PYGM: variants seen among roughly 807,000 people sequenced by gnomAD.
The protein encoded by PYGM is glycogen phosphorylase, muscle associated, also known as glycogen phosphorylase, muscle form.
Under a neutral mutation model 99.3 loss-of-function variants are expected in PYGM, and 81 were observed. The ratio of observed to expected loss-of-function variants is 0.82; its 90% CI spans 0.68 to 0.98. PYGM has a LOEUF of 0.98. Among genes scored for constraint, PYGM ranks in the 50% least tolerant of loss-of-function variants. The pLI, the probability that PYGM is intolerant of heterozygous loss-of-function variation, is 0.00. For missense variants in PYGM, 1,030 were observed against 1,158.1 expected (o/e 0.89, Z 1.61); for synonymous variants, 436 against 451.5 (o/e 0.97, Z 0.44).
chr11:64,755,273 A>T lies in PYGM; in HGVS notation c.855T>A (p.Asn285Lys), dbSNP rs776369912. ...NISRVLYPND[N>K]FFEGKELRLK... Reference sequence around the variant, plus strand: ...GCCCCCAGCCCAGGGGGTGACGCACATTATCATTGGGGTACAGGACACGAG... The same window carrying T: ...GCCCCCAGCCCAGGGGGTGACGCACTTTATCATTGGGGTACAGGACACGAG... The change falls in exon 7 of 20, where the codon AAT becomes AAA. Residue 285 changes from asparagine (N) to lysine (K), a missense_variant and splice_region_variant. Coordinates refer to ENST00000164139, the MANE Select transcript of PYGM (RefSeq NM_005609.4). This position sits in a 1 kb window ranked among gnomAD's most constrained non-coding sequence, Gnocchi z 4.1. The T allele has an allele frequency of 5.0e-6, 8 of 1,613,668 alleles. No individual in the cohort carries two copies. In the South Asian group the frequency reaches 8.8e-5, roughly 18 times the overall value.
chr11:64,759,859 T>C lies in PYGM; in HGVS notation c.40A>G (p.Ile14Val), dbSNP rs2058423017. The change falls in exon 1 of 20, where the codon ATC (isoleucine) becomes GTC (valine). Residue 14 changes from isoleucine (I) to valine (V), a missense_variant. Transcript: ENST00000164139. Reference sequence around the variant, plus strand: ...ACGCCGGCCAGGCCACGCACACTGATTTGCTTTCTTTTCTCTTGGTCTGAC... The same window carrying C: ...ACGCCGGCCAGGCCACGCACACTGACTTGCTTTCTTTTCTCTTGGTCTGAC... Reference protein sequence around the residue: ...PLSDQEKRKQISVRGLAGVEN... With the variant: ...PLSDQEKRKQVSVRGLAGVEN... The C allele has an allele frequency of 6.2e-7, 1 of 1,614,178 alleles. No individual in the cohort carries two copies. Among genetic ancestry groups the C allele is most frequent in the South Asian group, 1.1e-5 (1 of 91,076 alleles).
intron 13 of PYGM, 123 bp from the exon 14 acceptor site, chr11:64,752,194 T>C: frequency 7.0e-7 from 1 of 1,425,532 alleles, no homozygotes; most frequent in Non-Finnish European, 9.9e-7. Context: ...TTCTGTCCAC[T>C]CCTGTACCAG....
At chr11:64,748,633 A>C (rs2058331120) in intron 17 of PYGM, 1 of 152,212 alleles carries the variant, frequency 6.6e-6, no homozygotes. Flanking sequence ...AATTAACCTT[A>C]GTGTCCAGCC....
In PYGM at chr11:64,753,687, GC is replaced by G; in HGVS notation, c.1240-6del. 6.2e-7 allele frequency: 1 copy of G among 1,603,860 alleles called. No individual in the cohort carries two copies. The highest frequency in any genetic ancestry group is 8.5e-7 in the Non-Finnish European group (1 of 1,177,764). On this transcript the variant is annotated splice_region_variant and splice_polypyrimidine_tract_variant and intron_variant, in intron 10 of 19. Coordinates refer to ENST00000164139, the MANE Select transcript of PYGM (RefSeq NM_005609.4). ...TGGGAATGCGGCCGCCACCCGCTGT[GC>G]CCAGAGAGCCCAGAGCTAGAACCAG...
At chr11:64,753,254 C>T in intron 11 of PYGM, 67 bp from the exon 12 acceptor site, 3 of 1,466,148 alleles carry the variant, frequency 2.0e-6, no homozygotes. Flanking sequence ...GCCCTGGGGC[C>T]CCTACCCTGG....
intron 10 of PYGM, 85 bp downstream of exon 10, chr11:64,753,794 G>A: frequency 6.5e-7 from 1 of 1,546,016 alleles, no homozygotes; most frequent in Non-Finnish European, 8.7e-7. Flanking sequence ...AGAGTCTCAG[G>A]GCCCTGGCTG....
chr11:64,750,613 A>G, intron 16 of PYGM, 30 bp from the exon 17 acceptor site: 2 of 1,608,072 alleles, frequency 1.2e-6, no homozygotes, highest in African/African-American at 1.3e-5. Flanking sequence ...GGACAAGTCA[A>G]CTCAGGGAAG....
At position 64,754,461 on chromosome 11, in the gene PYGM, G is replaced by T; in HGVS notation, c.1000-116C>A. 1 of 1,064,302 alleles carries T rather than the reference G, an allele frequency of 9.4e-7. No homozygotes were observed. The highest frequency in any genetic ancestry group is 1.4e-6 in the Non-Finnish European group (1 of 714,380). The allele number at this position is 1,064,302 out of a possible 1,614,324, so 65.9% of individuals were successfully genotyped here. ...CAGCACGGTTCTGTGACTGGGCTGT[G>T]GGCAGAGGCAGGCCGGTGCTCATGG... On this transcript the variant is annotated intron_variant, in intron 8 of 19. Transcript: ENST00000164139. This position sits in a 1 kb window ranked among gnomAD's most constrained non-coding sequence, Gnocchi z 5.5.
upstream of PYGM, chr11:64,760,100 GA>G (rs2058425169): frequency 1.2e-6 from 1 of 811,050 alleles, no homozygotes; most frequent in African/African-American, 1.7e-5. Flanking sequence ...GAGGAGAGGA[GA>G]GGGGAGGGAG....
At chr11:64,751,240 AGTATCCCAGGAAGAGAC>A in intron 16 of PYGM, 68 bp downstream of exon 16, 1 of 1,574,304 alleles carries the variant, frequency 6.4e-7, no homozygotes, top group South Asian at 1.1e-5. Flanking sequence ...TTCAAGTACA[AGTATCCCAGGAAGAGAC>A]GACTGATACC....
chr11:64,752,187 T>C (rs2058361508), intron 13 of PYGM, 116 bp from the exon 14 acceptor site: 6 of 1,438,842 alleles, frequency 4.2e-6, no homozygotes, highest in Non-Finnish European at 5.9e-6. Context: ...TGGCTACTTC[T>C]GTCCACTCCT....
chr11:64,751,904 G>A lies in PYGM; in HGVS notation c.1768+20C>T. On this transcript the variant is annotated intron_variant, in intron 14 of 19. Transcript: ENST00000164139. The stretch of plus-strand genomic sequence containing the variant: ...ACACGGGGGAGCACTGAGAGACAGG[G>A]TAGAGTGGCTGCCACTCACGGTTGT... 6.2e-7 allele frequency: 1 copy of A among 1,614,024 alleles called. No homozygotes were observed. Among genetic ancestry groups the A allele is most frequent in the South Asian group, 1.1e-5 (1 of 91,076 alleles).
Position 64,746,662 on chromosome 11 carries a change from G to C in PYGM, c.2526C>G (p.Ile842Met). 1.2e-6 allele frequency: 2 copies of C among 1,614,206 alleles called. No individual in the cohort carries two copies. The highest frequency in any genetic ancestry group is 1.1e-5 in the South Asian group (1 of 91,088). The change falls in exon 20 of 20, where the codon ATC becomes ATG. Residue 842 changes from isoleucine (I) to methionine (M), a missense_variant. Ile to Met is a conservative substitution (Grantham distance 10). Transcript: ENST00000164139. The part of the protein sequence containing the change: ...RQRLPAPDEA[I>M] Reference sequence around the variant, plus strand: ...GTTTGGGGTCTGGTCTGGAGGCTCAGATGGCCTCATCCGGGGCTGGCAGGC... The same window carrying C: ...GTTTGGGGTCTGGTCTGGAGGCTCACATGGCCTCATCCGGGGCTGGCAGGC...
rs778313349 is a variant in PYGM at position 64,758,241 on chromosome 11, C to T, written c.528+5G>A. On this transcript the variant is annotated splice_donor_5th_base_variant and intron_variant, in intron 4 of 19. Coordinates refer to ENST00000164139, the MANE Select transcript of PYGM (RefSeq NM_005609.4). ...ACCCCACAAGTTAGAGCCAAGGCTG[C>T]TCACCTGCCAGCCCCCGGAGATCTT... The T allele has an allele frequency of 1.9e-6, 3 of 1,607,382 alleles. No homozygotes were observed. Among genetic ancestry groups the T allele is most frequent in the Admixed American group, 3.3e-5 (2 of 59,998 alleles).
rs780656375 is a variant in PYGM at position 64,750,410 on chromosome 11, G to A, written c.2143C>T (p.Arg715Trp). ...TCAAGCTTATCCACATCCTCCACCC[G>A]CATGCCAAAGATGAAGAAGTTTTCC... ...GEENFFIFGM[R>W]VEDVDKLDQR... The change falls in exon 17 of 20, where the codon CGG (arginine) becomes TGG (tryptophan). Residue 715 changes from arginine (R) to tryptophan (W), a missense_variant. Physicochemically the swap from Arg to Trp is moderately radical, Grantham distance 101. Coordinates refer to ENST00000164139, the MANE Select transcript of PYGM (RefSeq NM_005609.4). 1.7e-5 allele frequency: 28 copies of A among 1,613,854 alleles called. No homozygotes were observed. The highest frequency in any genetic ancestry group is 1.6e-4 in the Middle Eastern group (1 of 6,084).
At position 64,753,610 on chromosome 11, in the gene PYGM, T is replaced by C; in HGVS notation, c.1312A>G (p.Lys438Glu). The C allele has an allele frequency of 6.2e-7, 1 of 1,608,860 alleles. No individual in the cohort carries two copies. Among genetic ancestry groups the C allele is most frequent in the Non-Finnish European group, 8.5e-7 (1 of 1,179,330 alleles). Residue 438 changes from lysine (K) to glutamate (E), a missense_variant, in exon 11 of 20, where the codon AAG (lysine) becomes GAG (glutamate). By Grantham distance (56) the Lys-to-Glu change is moderately conservative. Transcript: ENST00000164139. ...RMSLVEEGAV[K>E]RINMAHLCIA... The stretch of plus-strand genomic sequence containing the variant: ...CACAGGTGTGCCATGTTGATGCGCT[T>C]CACTGCGCCCTCCTCCACCAGCGAC...
intron 17 of PYGM, 21 bp downstream of exon 17, chr11:64,750,355 C>G (rs746633828): frequency 1.7e-5 from 27 of 1,613,700 alleles, no homozygotes; most frequent in Non-Finnish European, 2.2e-5. Flanking sequence ...GTCTTTTGCC[C>G]GTGAACCCTG....
At chr11:64,748,785 C>A (rs1466388448) in intron 17 of PYGM, 1 of 152,234 alleles carries the variant, frequency 6.6e-6, no homozygotes, top group South Asian at 2.1e-4. Flanking sequence ...CGCGGTGGCT[C>A]ACGCCTGTAA....
In PYGM at chr11:64,751,406, C is replaced by T. The variant is rs115347245; in HGVS notation, c.1888G>A (p.Val630Met). 399 of 1,614,178 alleles carry T rather than the reference C, an allele frequency of 2.5e-4. 1 individual carries two copies. The African/African-American group carries it at 4.9e-3, about 20-fold the overall frequency. ...IIRLVTAIGD[V>M]VNHDPAVGDR... ...CCCACTGCCGGGTCATGGTTGACCA[C>T]ATCCCCGATGGCTGTGACGAGTCTG... Residue 630 changes from valine to methionine, a missense_variant, in exon 16 of 20, where the codon GTG becomes ATG. By Grantham distance (21) the Val-to-Met change is conservative. Coordinates refer to ENST00000164139, the MANE Select transcript of PYGM (RefSeq NM_005609.4).
Sources: allele counts gnomAD v4.1 joint callset, GRCh38; gene constraint gnomAD v4.1.1; non-coding constraint Gnocchi (gnomAD v3.1); transcripts MANE v1.5; gene names NCBI Gene and HGNC (gene_info 2026-07-23, HGNC 2026-07-21).